THEMIS: variants seen among roughly 807,000 people sequenced by gnomAD.
THEMIS encodes thymocyte selection associated.
Under a neutral mutation model 52.6 loss-of-function variants are expected in THEMIS, and 37 were observed. The ratio of observed to expected loss-of-function variants is 0.70; its 90% CI spans 0.54 to 0.93. The LOEUF is 0.93. Among genes scored for constraint, THEMIS ranks in the 40% least tolerant of loss-of-function variants. THEMIS has a pLI of 0.00. For missense variants in THEMIS, 808 were observed against 763.1 expected (o/e 1.06, Z -0.69); for synonymous variants, 292 against 272.7 (o/e 1.07, Z -0.70).
chr6:127,832,468 T>A (rs189811103), intron 2 of THEMIS, among the ~76,000 whole-genome samples: 1 of 152,216 alleles, frequency 6.6e-6, no homozygotes, highest in Non-Finnish European at 1.5e-5. Flanking sequence ...AACTAGGACA[T>A]GTTGTAGTTG....
At chr6:127,730,087 T>C (rs1021615794) in intron 4 of THEMIS, among the ~76,000 whole-genome samples, 5 of 151,634 alleles carry the variant, frequency 3.3e-5, no homozygotes, top group Admixed American at 2.0e-4. Context: ...CTGAGCAATA[T>C]AGTGAGCCCC....
intron 4 of THEMIS, among the ~76,000 whole-genome samples, chr6:127,771,941 C>T (rs962822233): frequency 6.6e-5 from 10 of 151,924 alleles, no homozygotes; most frequent in Admixed American, 2.0e-4. Flanking sequence ...TGGAAATGTA[C>T]GATTTAGTTT....
chr6:127,769,714 TG>T (rs1467311258), intron 4 of THEMIS, among the ~76,000 whole-genome samples: 3 of 152,164 alleles, frequency 2.0e-5, no homozygotes, highest in African/African-American at 7.2e-5. Context: ...TGTGCCATGT[TG>T]GTTTGCTGCA....
chr6:127,868,268 A>C (rs983203920), intron 1 of THEMIS, among the ~76,000 whole-genome samples: 1 of 152,178 alleles, frequency 6.6e-6, no homozygotes, highest in Non-Finnish European at 1.5e-5. Context: ...TTTAAGACTG[A>C]ATAATCCAGT....
chr6:127,782,042 CTGCAGTGTGCTCCACCCAGT>C (rs1257415677), intron 4 of THEMIS, among the ~76,000 whole-genome samples: 2 of 152,198 alleles, frequency 1.3e-5, no homozygotes, highest in Non-Finnish European at 2.9e-5. Flanking sequence ...CTTTGCCAAG[CTGCAGTGTGCTCCACCCAGT>C]TTGAACTTCC....
chr6:127,813,206 G>A lies in THEMIS; in HGVS notation c.1435C>T (p.Leu479=). 6.2e-7 allele frequency: 1 copy of A among 1,614,094 alleles called. No homozygotes were observed. The highest frequency in any genetic ancestry group is 1.1e-5 in the South Asian group (1 of 91,072). The part of the protein sequence containing the change: ...EEDVLAATPG[L]QLEEDITDSY... ...TCTGTAATGTCCTCCTCCAACTGCA[G>A]TCCTGGTGTGGCAGCCAACACGTCC... The change falls in exon 4 of 6, where the codon CTG becomes TTG. Residue 479 remains leucine, a synonymous_variant. Transcript: ENST00000368248.
At chr6:127,848,808 G>A (rs532931737) in intron 2 of THEMIS, among the ~76,000 whole-genome samples, 35 of 151,974 alleles carry the variant, frequency 2.3e-4, no homozygotes, top group Admixed American at 1.5e-3. Flanking sequence ...TGAATTCATC[G>A]TAGATTCTGC....
At chr6:127,710,166 GAAAA>G in intron 5 of THEMIS, 150 bp from the exon 6 acceptor site, 1 of 353,314 alleles carries the variant, frequency 2.8e-6, no homozygotes, top group Non-Finnish European at 4.9e-6. Context: ...GCAAAATAAA[GAAAA>G]AAAAAAAAGA....
At chr6:127,715,938 A>C (rs1562209769) in intron 5 of THEMIS, among the ~76,000 whole-genome samples, 1 of 151,834 alleles carries the variant, frequency 6.6e-6, no homozygotes, top group Admixed American at 6.6e-5. Flanking sequence ...CTGAAATGCT[A>C]TGCATCTAGG....
At chr6:127,713,750 C>G (rs1034549715) in intron 5 of THEMIS, among the ~76,000 whole-genome samples, 1 of 151,850 alleles carries the variant, frequency 6.6e-6, no homozygotes, top group Non-Finnish European at 1.5e-5. Flanking sequence ...GGATGGAGCT[C>G]TCCTAGGGTT....
chr6:127,729,454 C>T (rs755276222), intron 4 of THEMIS, among the ~76,000 whole-genome samples: 3 of 152,090 alleles, frequency 2.0e-5, no homozygotes, highest in Non-Finnish European at 4.4e-5. Flanking sequence ...GTTACTCAAC[C>T]ACTTAATTCA....
chr6:127,751,719 A>G (rs1337065399), intron 4 of THEMIS, among the ~76,000 whole-genome samples: 1 of 151,716 alleles, frequency 6.6e-6, no homozygotes, highest in East Asian at 1.9e-4. Context: ...AACAGAACTG[A>G]AGGGATAAAT....
chr6:127,709,446 G>T lies in THEMIS; in HGVS notation c.*539C>A, dbSNP rs1773899791. On this transcript the variant is annotated 3_prime_UTR_variant, in exon 6 of 6. Transcript: ENST00000368248. The stretch of plus-strand genomic sequence containing the variant: ...ACACAGCGTATTTTGTAAATACACT[G>T]TGAATGTGAAATCAAACTCCTTTCC... 6.6e-6 allele frequency: 1 copy of T among 152,082 alleles called. No individual in the cohort carries two copies. Among genetic ancestry groups the T allele is most frequent in the Admixed American group, 6.6e-5 (1 of 15,236 alleles). The allele number at this position is 152,082 out of a possible 1,614,324, so 9.4% of individuals were successfully genotyped here.
At chr6:127,882,609 T>C (rs933910975) in intron 1 of THEMIS, among the ~76,000 whole-genome samples, 1 of 151,904 alleles carries the variant, frequency 6.6e-6, no homozygotes, top group Non-Finnish European at 1.5e-5. Context: ...AAAATACTGG[T>C]GCTCTCTTTC....
At chr6:127,779,066 G>T (rs1776658627) in intron 4 of THEMIS, among the ~76,000 whole-genome samples, 1 of 152,144 alleles carries the variant, frequency 6.6e-6, no homozygotes, top group African/African-American at 2.4e-5. Flanking sequence ...TTCCATGAAA[G>T]AAAATTTCTG....
rs1296924478 is a variant in THEMIS, at chr6:127,813,602, T to G, written c.1039A>C (p.Arg347=). The G allele has an allele frequency of 6.2e-7, 1 of 1,614,110 alleles. No individual in the cohort carries two copies. The highest frequency in any genetic ancestry group is 8.5e-7 in the Non-Finnish European group (1 of 1,179,990). The change falls in exon 4 of 6, where the codon AGG becomes CGG. Residue 347 remains arginine, a synonymous_variant. Coordinates refer to ENST00000368248, the MANE Select transcript of THEMIS (RefSeq NM_001010923.3). ...AGGTCATAGGCCGTTGGGAACTCCC[T>G]CGGTCGCCGCTTGAACTTGCCTTTA... ...SYKGKFKRRP[R]EFPTAYDLEI...
intron 4 of THEMIS, among the ~76,000 whole-genome samples, chr6:127,756,216 A>C (rs1775821084): frequency 6.6e-6 from 1 of 152,216 alleles, no homozygotes; most frequent in Non-Finnish European, 1.5e-5. Context: ...AAACGGTAGA[A>C]CACAAACATC....
chr6:127,854,641 G>T lies in THEMIS; in HGVS notation c.250+389C>A, dbSNP rs533002297. On this transcript the variant is annotated intron_variant, in intron 2 of 5. Coordinates refer to ENST00000368248, the MANE Select transcript of THEMIS (RefSeq NM_001010923.3). ...AGGTCAACGGTGATCCAAGGAGCTA[G>T]AGTAATGACAGTAGGAATAGCAAAG... is the stretch of plus-strand genomic sequence containing the variant. Among the ~76,000 whole-genome samples the T allele has an allele frequency of 3.9e-5, 6 of 151,976 alleles. No individual in the cohort carries two copies. In the East Asian group the frequency reaches 1.2e-3, roughly 29 times the overall value.
intron 1 of THEMIS, among the ~76,000 whole-genome samples, chr6:127,866,705 A>T (rs1779990284): frequency 6.6e-6 from 1 of 151,926 alleles, no homozygotes; most frequent in Non-Finnish European, 1.5e-5. Flanking sequence ...AACAATTTCT[A>T]TCATCTACTG....
Sources: allele counts gnomAD v4.1 joint callset (sites outside exome capture counted in the v4.1 genomes callset), GRCh38; gene constraint gnomAD v4.1.1; transcripts MANE v1.5; gene names NCBI Gene and HGNC (gene_info 2026-07-23, HGNC 2026-07-21).